BCKDHB: variants seen among roughly 807,000 people sequenced by gnomAD.
BCKDHB encodes the protein 2-oxoisovalerate dehydrogenase subunit beta, mitochondrial.
BCKDHB carries 41 observed loss-of-function variants against 48.5 expected under a neutral mutation model. That is an observed-to-expected ratio of 0.85 (90% confidence interval 0.66 to 1.10). The LOEUF is 1.10. Among genes scored for constraint, BCKDHB ranks in the 50% least tolerant of loss-of-function variants. BCKDHB has a pLI of 0.00. For synonymous variants in BCKDHB, 201 were observed against 174.8 expected, an observed-to-expected ratio of 1.15 and a Z score of -1.18; for missense variants, 496 against 494.2, an observed-to-expected ratio of 1.00 and a Z score of -0.03.
intron 9 of BCKDHB, among the ~76,000 whole-genome samples, chr6:80,315,347 C>T (rs1768386128): frequency 6.6e-6 from 1 of 152,140 alleles, no homozygotes; most frequent in African/African-American, 2.4e-5. Context: ...TAGGGTTGTA[C>T]ATTCGTTCAC....
chr6:80,231,333 G>A (rs577077390), intron 8 of BCKDHB, among the ~76,000 whole-genome samples: 4 of 152,028 alleles, frequency 2.6e-5, no homozygotes, highest in Admixed American at 6.5e-5. Context: ...TATAAAGAAA[G>A]TATAGATATT....
intron 3 of BCKDHB, 51 bp from the exon 4 acceptor site, chr6:80,167,627 T>G: frequency 6.6e-7 from 1 of 1,515,212 alleles, no homozygotes; most frequent in Non-Finnish European, 9.2e-7. Flanking sequence ...GTATTATGCA[T>G]GACATTACTC....
At chr6:80,362,838 A>G in the BCKDHB span, among the ~76,000 whole-genome samples, 2 of 152,202 alleles carry the variant, frequency 1.3e-5, no homozygotes, top group African/African-American at 4.8e-5. Context: ...ATCTGCTTGA[A>G]TTTTAAATTT....
intron 3 of BCKDHB, among the ~76,000 whole-genome samples, chr6:80,146,611 A>C (rs1457235254): frequency 6.6e-6 from 1 of 152,166 alleles, no homozygotes; most frequent in Non-Finnish European, 1.5e-5. Flanking sequence ...GAGGCTTGGA[A>C]AAACAGAATC....
rs143211008 is a variant in BCKDHB at position 80,256,515 on chromosome 6, G to A, written c.952-16620G>A. On this transcript the variant is annotated intron_variant, in intron 8 of 9. Transcript: ENST00000320393. ...GCTACTATGGTACATGTGGTCCACT[G>A]TTGACCAAAATTTAGTTATGGGCAT... 3.9e-5 allele frequency among the ~76,000 whole-genome samples: 6 copies of A among 152,294 alleles called. No homozygotes were observed. The East Asian group carries it at 1.2e-3, about 29-fold the overall frequency.
chr6:80,204,643 T>C (rs1424034559), intron 8 of BCKDHB, among the ~76,000 whole-genome samples: 1 of 151,996 alleles, frequency 6.6e-6, no homozygotes, highest in East Asian at 1.9e-4. Flanking sequence ...GCAAGCACTT[T>C]TAGAACTTTA....
At chr6:80,461,393 A>C in the BCKDHB span, among the ~76,000 whole-genome samples, 1 of 152,252 alleles carries the variant, frequency 6.6e-6, no homozygotes, top group African/African-American at 2.4e-5. Context: ...ATTCATTGTC[A>C]GTGTCTCAGT....
At chr6:80,108,589 C>A (rs1256211192) in intron 1 of BCKDHB, among the ~76,000 whole-genome samples, 4 of 150,272 alleles carry the variant, frequency 2.7e-5, no homozygotes, top group Non-Finnish European at 5.9e-5. Context: ...CTGCCGGGCG[C>A]AGTGGCTCAC....
chr6:80,137,075 A>T (rs557767236), intron 3 of BCKDHB, among the ~76,000 whole-genome samples: 2 of 152,332 alleles, frequency 1.3e-5, no homozygotes, highest in East Asian at 3.9e-4. Flanking sequence ...TAGAATTTCC[A>T]TATGATGCAG....
At chr6:80,196,994 C>G (rs1774160394) in intron 6 of BCKDHB, among the ~76,000 whole-genome samples, 1 of 152,156 alleles carries the variant, frequency 6.6e-6, no homozygotes, top group Admixed American at 6.6e-5. Context: ...CTGAGGAATG[C>G]TTATTAGTCC....
chr6:80,149,005 A>G (rs1383431367), intron 3 of BCKDHB, among the ~76,000 whole-genome samples: 1 of 152,196 alleles, frequency 6.6e-6, no homozygotes, highest in Non-Finnish European at 1.5e-5. Context: ...CTGCACAGCA[A>G]AAGAAACTAC....
intron 9 of BCKDHB, among the ~76,000 whole-genome samples, chr6:80,335,231 GAAAAA>G (rs796841647): frequency 2.5e-5 from 1 of 40,464 alleles, no homozygotes; most frequent in African/African-American, 7.1e-5. Flanking sequence ...AATTTTGTGG[GAAAAA>G]AAAAAAAAAA....
intron 1 of BCKDHB, among the ~76,000 whole-genome samples, chr6:80,124,937 A>T (rs1288895501): frequency 1.3e-5 from 2 of 152,176 alleles, no homozygotes; most frequent in Non-Finnish European, 1.5e-5. Flanking sequence ...CATTGGCTTC[A>T]ACTTCAAATC....
the BCKDHB span, among the ~76,000 whole-genome samples, chr6:80,357,118 GTCA>G: frequency 6.6e-6 from 1 of 152,110 alleles, no homozygotes; most frequent in South Asian, 2.1e-4. Flanking sequence ...TCAAAGGTTT[GTCA>G]TTGAATACAG....
At chr6:80,459,457 G>T in the BCKDHB span, among the ~76,000 whole-genome samples, 1 of 152,032 alleles carries the variant, frequency 6.6e-6, no homozygotes, top group East Asian at 1.9e-4. Context: ...AGAAAGCAAT[G>T]GTGGTTACCA....
chr6:80,252,113 C>G (rs1472329618), intron 8 of BCKDHB, among the ~76,000 whole-genome samples: 2 of 152,078 alleles, frequency 1.3e-5, no homozygotes, highest in African/African-American at 4.8e-5. Flanking sequence ...TTTTTATAGG[C>G]GAAGAAGCTG....
chr6:80,152,682 A>G (rs913063258), intron 3 of BCKDHB, among the ~76,000 whole-genome samples: 2 of 152,206 alleles, frequency 1.3e-5, no homozygotes, highest in African/African-American at 4.8e-5. Context: ...TAGTTGATTT[A>G]TTATTAGTTG....
chr6:80,239,175 C>T (rs1031416101), intron 8 of BCKDHB, among the ~76,000 whole-genome samples: 2 of 152,184 alleles, frequency 1.3e-5, no homozygotes, highest in African/African-American at 4.8e-5. Context: ...GAAATCACCA[C>T]ACTGTCTTCT....
At chr6:80,219,521 T>C (rs191467132) in intron 8 of BCKDHB, among the ~76,000 whole-genome samples, 94 of 152,272 alleles carry the variant, frequency 6.2e-4, no homozygotes, top group African/African-American at 2.3e-3. Flanking sequence ...CTTAGTTCTC[T>C]AATTTCCTTT....
Sources: gnomAD v4.1 joint callset for allele counts (sites outside exome capture counted in the v4.1 genomes callset) on GRCh38, gnomAD v4.1.1 for gene constraint, MANE v1.5 for transcripts, NCBI Gene and HGNC (gene_info 2026-07-23, HGNC 2026-07-21) for gene names.